Variants in DISP3 observed in about 807,000 individuals in gnomAD.
The protein encoded by DISP3 is dispatched RND transporter family member 3.
Under a neutral mutation model 135.3 loss-of-function variants are expected in DISP3, and 101 were observed. That is an observed-to-expected ratio of 0.75 (90% CI 0.64 to 0.88). DISP3 has a LOEUF of 0.88. Ranked by LOEUF, DISP3 falls within the 40% of genes least tolerant of loss-of-function variation. The probability of loss-of-function intolerance (pLI) is 0.00; values close to 1 mark genes in which losing one functional copy is unlikely to be tolerated. For synonymous variants in DISP3, 856 were observed against 817.0 expected (o/e 1.05, Z -0.81); for missense variants, 1,713 against 1,878.6 (o/e 0.91, Z 1.63).
At chr1:11,512,518 C>T (rs557339354) in intron 3 of DISP3, among the ~76,000 whole-genome samples, 1 of 152,260 alleles carries the variant, frequency 6.6e-6, no homozygotes, top group African/African-American at 2.4e-5. Context: ...CAACAAATTC[C>T]TCATCTCCAT....
At chr1:11,503,826 G>A (rs1352169564) in intron 3 of DISP3, among the ~76,000 whole-genome samples, 2 of 152,216 alleles carry the variant, frequency 1.3e-5, no homozygotes. Context: ...TTCTCTGGGT[G>A]TCAGTGTTCC....
chr1:11,489,918 C>T (rs1440017893), intron 1 of DISP3, among the ~76,000 whole-genome samples: 2 of 152,208 alleles, frequency 1.3e-5, no homozygotes, highest in Non-Finnish European at 2.9e-5. Context: ...GCCCTGAGCT[C>T]ATCAGCCAGG....
chr1:11,534,467 G>C lies in DISP3; in HGVS notation c.3462G>C (p.Leu1154Phe). The change falls in exon 18 of 21, where the codon TTG (leucine) becomes TTC (phenylalanine). Residue 1154 changes from leucine (L) to phenylalanine (F), a missense_variant. Coordinates refer to ENST00000294484, the MANE Select transcript of DISP3 (RefSeq NM_020780.2). ...TCCTCCAGCAGCAGCTGCAGGCCTT[G>C]CCCGAGGGCTCAGTCCTGCGCCGGG... ...ESFLQQQLQA[L>F]PEGSVLRRGF... 1 of 1,614,176 alleles carries C rather than the reference G, an allele frequency of 6.2e-7. No individual in the cohort carries two copies. The highest frequency in any genetic ancestry group is 8.5e-7 in the Non-Finnish European group (1 of 1,180,040).
At chr1:11,532,404 G>T (rs1642598985) in intron 17 of DISP3, among the ~76,000 whole-genome samples, 1 of 152,218 alleles carries the variant, frequency 6.6e-6, no homozygotes, top group African/African-American at 2.4e-5. Flanking sequence ...CCTCTGGCAG[G>T]TGTGGAGATA....
intron 4 of DISP3, 25 bp downstream of exon 4, chr1:11,514,551 C>T (rs762838614): frequency 1.2e-6 from 2 of 1,606,900 alleles, no homozygotes; most frequent in African/African-American, 1.3e-5. Context: ...AAGCCAGCCC[C>T]CTCCTCCCCT....
At chr1:11,528,814 C>T (rs149930920) in intron 13 of DISP3, among the ~76,000 whole-genome samples, 60 of 152,306 alleles carry the variant, frequency 3.9e-4, no homozygotes, top group Middle Eastern at 6.8e-3. Flanking sequence ...TGGTCTCTGA[C>T]GGGGCTAGCT....
At chr1:11,482,503 G>A (rs1399118366) in intron 1 of DISP3, among the ~76,000 whole-genome samples, 1 of 152,158 alleles carries the variant, frequency 6.6e-6, no homozygotes, top group Non-Finnish European at 1.5e-5. Context: ...AGGAGGTGGT[G>A]TCCCTAAGGG....
Position 11,535,123 on chromosome 1 carries a change from G to A in DISP3, c.3648G>A (p.Leu1216=). The change falls in exon 19 of 21, where the codon TTG becomes TTA. Residue 1216 remains leucine (L), a splice_region_variant and synonymous_variant. Transcript: ENST00000294484. ...LLLLPVLLSI[L]GIVCLVVTIM... ...TGCTGCCCGTGCTCCTCAGCATCTTGGGTACGTGGGCGAGGGGCTGGCAGG... is the reference window on the plus strand; with the variant it reads ...TGCTGCCCGTGCTCCTCAGCATCTTAGGTACGTGGGCGAGGGGCTGGCAGG... The A allele has an allele frequency of 1.9e-6, 3 of 1,601,036 alleles. No homozygotes were observed. Among genetic ancestry groups the A allele is most frequent in the Non-Finnish European group, 2.6e-6 (3 of 1,174,856 alleles).
intron 1 of DISP3, among the ~76,000 whole-genome samples, chr1:11,496,772 A>G (rs1248829231): frequency 1.3e-5 from 2 of 152,172 alleles, no homozygotes; most frequent in African/African-American, 4.8e-5. Flanking sequence ...CTCGGGCTGC[A>G]GACTGGGAGG....
intron 10 of DISP3, among the ~76,000 whole-genome samples, chr1:11,523,564 C>T (rs866892173): frequency 9.8e-4 from 111 of 112,940 alleles, no homozygotes; most frequent in African/African-American, 3.2e-3. Context: ...ACAGAGAGGG[C>T]GAGCAGGGGG....
Position 11,534,398 on chromosome 1 carries a change from ATCC to A in DISP3, c.3398_3400del (p.Ser1133del), listed in dbSNP as rs1251970987. ...CCCCACAGACCACGTACAAGGGCAAATCCTCCTTCCAGACCTACTCGGACTACC... is the reference window on the plus strand; with the variant it reads ...CCCCACAGACCACGTACAAGGGCAAATCCTTCCAGACCTACTCGGACTACC... On this transcript the variant is annotated inframe_deletion, in exon 18 of 21. Coordinates refer to ENST00000294484, the MANE Select transcript of DISP3 (RefSeq NM_020780.2). 3 of 1,614,060 alleles carry A rather than the reference ATCC, an allele frequency of 1.9e-6. No individual in the cohort carries two copies. Among genetic ancestry groups the A allele is most frequent in the Non-Finnish European group, 2.5e-6 (3 of 1,180,032 alleles).
rs920990685 is a variant in DISP3, at chr1:11,529,240, G to C, written c.2799-316G>C. Among the ~76,000 whole-genome samples the C allele has an allele frequency of 6.6e-6, 1 of 152,106 alleles. No homozygotes were observed. On this transcript the variant is annotated intron_variant, in intron 13 of 20. Transcript: ENST00000294484. The surrounding 1 kb of genome is among the most constrained non-coding windows in gnomAD (Gnocchi z 4.7). ...TCCCTCCTGAACCCTCGTACCCCCG[G>C]GGGACAGTTTGAAAGCTGCTGGTCT...
At chr1:11,533,699 C>A in intron 17 of DISP3, 1 of 687,448 alleles carries the variant, frequency 1.5e-6, no homozygotes. Context: ...GCAAGGTGCC[C>A]GCTTCCAAGC....
intron 1 of DISP3, among the ~76,000 whole-genome samples, chr1:11,485,793 G>C (rs1252434829): frequency 6.6e-6 from 1 of 152,192 alleles, no homozygotes; most frequent in Non-Finnish European, 1.5e-5. Flanking sequence ...AAGGGGGATA[G>C]CACTGTTATC....
intron 1 of DISP3, among the ~76,000 whole-genome samples, chr1:11,480,091 CG>C (rs141001876): frequency 0.031 from 4,768 of 152,292 alleles, 226 homozygotes; most frequent in African/African-American, 0.11. Context: ...ACCCCACCGC[CG>C]GGAGAACTTT....
In DISP3 at chr1:11,531,447, C is replaced by A; in HGVS notation, c.3230-118C>A. On this transcript the variant is annotated intron_variant, in intron 16 of 20. Coordinates refer to ENST00000294484, the MANE Select transcript of DISP3 (RefSeq NM_020780.2). This position sits in a 1 kb window ranked among gnomAD's most constrained non-coding sequence, Gnocchi z 5.2. Reference sequence around the variant, plus strand: ...GTTGTAGGTTTCCCAATGCCGTTGCCAATGGTTACAAGCACTCTAAGCCTC... The same window carrying A: ...GTTGTAGGTTTCCCAATGCCGTTGCAAATGGTTACAAGCACTCTAAGCCTC... 1 of 1,439,838 alleles carries A rather than the reference C, an allele frequency of 6.9e-7. No individual in the cohort carries two copies. The allele number at this position is 1,439,838 out of a possible 1,614,324, so 89.2% of individuals were successfully genotyped here.
At chr1:11,487,165 C>T (rs1421834129) in intron 1 of DISP3, among the ~76,000 whole-genome samples, 1 of 152,250 alleles carries the variant, frequency 6.6e-6, no homozygotes, top group African/African-American at 2.4e-5. Context: ...GGGTCCTTCT[C>T]TTGTCCTCAT....
At position 11,519,811 on chromosome 1, in the gene DISP3, G is replaced by A. The variant is rs770399056; in HGVS notation, c.2131G>A (p.Val711Met). The A allele has an allele frequency of 1.3e-5, 21 of 1,612,708 alleles. No individual in the cohort carries two copies. Among genetic ancestry groups the A allele is most frequent in the Middle Eastern group, 1.7e-4 (1 of 5,920 alleles). Residue 711 changes from valine to methionine, a missense_variant, in exon 9 of 21, where the codon GTG becomes ATG. Physicochemically the swap from Val to Met is conservative, Grantham distance 21. Coordinates refer to ENST00000294484, the MANE Select transcript of DISP3 (RefSeq NM_020780.2). The surrounding 1 kb of genome is among the most constrained non-coding windows in gnomAD (Gnocchi z 4.3). ...CACGGGCAGCCGCGGCCATCTCATC[G>A]TGCAGCTGCAGGAGCTGCTGCACCA... ...SNTGSRGHLI[V>M]QLQELLHHWV...
In DISP3 at chr1:11,501,785, G is replaced by A. The variant is rs1641537642; in HGVS notation, c.793G>A (p.Ala265Thr). 2 of 1,599,796 alleles carry A rather than the reference G, an allele frequency of 1.3e-6. No homozygotes were observed. The highest frequency in any genetic ancestry group is 1.1e-5 in the South Asian group (1 of 89,860). Residue 265 changes from alanine (A) to threonine (T), a missense_variant, in exon 2 of 21, where the codon GCC becomes ACC. Physicochemically the swap from Ala to Thr is moderately conservative, Grantham distance 58. Around this residue, in one of 2 missense-constraint regions of DISP3, gnomAD observed 571 missense variants for 494.1 expected, o/e 1.16. Coordinates refer to ENST00000294484, the MANE Select transcript of DISP3 (RefSeq NM_020780.2). This position sits in a 1 kb window ranked among gnomAD's most constrained non-coding sequence, Gnocchi z 4.9. ...GGACTACTCGCGCGCCTATGTGAGT[G>A]CCAACACTCAGACGCACGCGCACTG... ...RWDYSRAYVS[A>T]NTQTHAHWRI...
Sources: gnomAD v4.1 joint callset for allele counts (sites outside exome capture counted in the v4.1 genomes callset) on GRCh38, gnomAD v4.1.1 for gene constraint, gnomAD v4.1.1 regional missense constraint, Gnocchi (gnomAD v3.1) non-coding constraint, MANE v1.5 for transcripts, NCBI Gene and HGNC (gene_info 2026-07-23, HGNC 2026-07-21) for gene names.